Variants in TOX observed in about 807,000 individuals in gnomAD.
The protein encoded by TOX is thymocyte selection associated high mobility group box, also known as thymocyte selection-associated high mobility group box protein TOX.
A neutral mutation model predicts 53.7 loss-of-function variants in TOX; 11 were observed. The ratio of observed to expected loss-of-function variants is 0.20; its 90% CI spans 0.13 to 0.34. The LOEUF (loss-of-function observed/expected upper bound fraction) is 0.34, where lower values mean the gene tolerates loss of function less well. Among genes scored for constraint, TOX ranks in the 10% least tolerant of loss-of-function variants. The pLI is 1.00. For missense variants in TOX, 570 were observed against 664.6 expected (o/e 0.86, Z 1.56); for synonymous variants, 225 against 245.3 (o/e 0.92, Z 0.77).
At chr8:58,850,677 C>T (rs1810797899) in intron 4 of TOX, among the ~76,000 whole-genome samples, 1 of 152,118 alleles carries the variant, frequency 6.6e-6, no homozygotes. Flanking sequence ...GATTAAGGCT[C>T]CAAATGCCAG....
At chr8:59,082,435 G>A (rs1804426460) in intron 1 of TOX, among the ~76,000 whole-genome samples, 1 of 152,356 alleles carries the variant, frequency 6.6e-6, no homozygotes, top group South Asian at 2.1e-4. Flanking sequence ...TAGTTTGCTT[G>A]CAAACAGTAT....
At chr8:59,056,123 G>A (rs1350553458) in intron 1 of TOX, among the ~76,000 whole-genome samples, 1 of 151,862 alleles carries the variant, frequency 6.6e-6, no homozygotes, top group Non-Finnish European at 1.5e-5. Context: ...TCTAAACCAA[G>A]GACCCCAAGA....
intron 3 of TOX, among the ~76,000 whole-genome samples, chr8:58,867,532 C>T (rs1326545702): frequency 6.6e-6 from 1 of 152,214 alleles, no homozygotes; most frequent in Non-Finnish European, 1.5e-5. Context: ...ATCCATCCTT[C>T]CTAACCCAAG....
intron 5 of TOX, among the ~76,000 whole-genome samples, chr8:58,837,075 T>C (rs1810558531): frequency 6.6e-6 from 1 of 152,178 alleles, no homozygotes; most frequent in South Asian, 2.1e-4. Context: ...TTATAGATGT[T>C]AATATATAAT....
intron 6 of TOX, among the ~76,000 whole-genome samples, chr8:58,818,350 G>A (rs1048459482): frequency 2.6e-5 from 4 of 152,080 alleles, no homozygotes; most frequent in Non-Finnish European, 5.9e-5. Flanking sequence ...ATAGAGGGAG[G>A]GAGAATTTGG....
chr8:58,810,001 TTAGAGACCGGGTCTTGCTCTGTCA>T (rs1374871375), intron 7 of TOX, among the ~76,000 whole-genome samples: 2 of 152,182 alleles, frequency 1.3e-5, no homozygotes, highest in Non-Finnish European at 2.9e-5. Context: ...TTTGTTGTTG[TTAGAGACCGGGTCTTGCTCTGTCA>T]CCCAGAATGG....
intron 1 of TOX, among the ~76,000 whole-genome samples, chr8:58,985,964 A>C (rs1000846194): frequency 6.6e-6 from 1 of 152,208 alleles, no homozygotes; most frequent in African/African-American, 2.4e-5. Context: ...CAATAGTAAT[A>C]AATCTCATAA....
At chr8:58,829,032 T>C (rs954453520) in intron 5 of TOX, among the ~76,000 whole-genome samples, 17 of 152,192 alleles carry the variant, frequency 1.1e-4, no homozygotes, top group African/African-American at 3.9e-4. Flanking sequence ...GCAAATAGAA[T>C]GCACTTTGGT....
At chr8:58,808,970 G>A (rs1397665240) in intron 7 of TOX, among the ~76,000 whole-genome samples, 1 of 152,228 alleles carries the variant, frequency 6.6e-6, no homozygotes, top group East Asian at 1.9e-4. Flanking sequence ...TCAGACTTCA[G>A]GAAGATTCTT....
intron 5 of TOX, among the ~76,000 whole-genome samples, chr8:58,829,857 A>C (rs918578275): frequency 1.3e-5 from 2 of 151,214 alleles, no homozygotes; most frequent in Non-Finnish European, 2.9e-5. Context: ...ATTATCAAAA[A>C]AAAATCTCTC....
chr8:58,860,508 C>T (rs1403955403), intron 3 of TOX, among the ~76,000 whole-genome samples: 4 of 152,190 alleles, frequency 2.6e-5, no homozygotes, highest in Non-Finnish European at 5.9e-5. Flanking sequence ...ATAAGGACTA[C>T]GAATGCATTT....
chr8:58,899,730 C>T (rs1332965400), intron 3 of TOX, among the ~76,000 whole-genome samples: 3 of 152,144 alleles, frequency 2.0e-5, no homozygotes, highest in African/African-American at 7.2e-5. Context: ...AAAGGAAATG[C>T]TCCTGGAACA....
intron 2 of TOX, among the ~76,000 whole-genome samples, chr8:58,955,825 C>T (rs890622783): frequency 1.3e-5 from 2 of 151,342 alleles, no homozygotes; most frequent in Non-Finnish European, 2.9e-5. Context: ...ACCTCCACCT[C>T]CTGGGTTCAA....
chr8:58,816,482 AT>A (rs1810180413), intron 6 of TOX, among the ~76,000 whole-genome samples: 1 of 152,332 alleles, frequency 6.6e-6, no homozygotes. Flanking sequence ...AAAACTGAAC[AT>A]TTCAGTAAAG....
At chr8:58,875,941 T>C (rs2129170432) in intron 3 of TOX, among the ~76,000 whole-genome samples, 1 of 152,352 alleles carries the variant, frequency 6.6e-6, no homozygotes, top group East Asian at 1.9e-4. Context: ...TAAGTCAGTA[T>C]AATCAAGGTT....
intron 3 of TOX, among the ~76,000 whole-genome samples, chr8:58,918,934 A>T (rs1194703658): frequency 1.3e-5 from 2 of 151,966 alleles, no homozygotes; most frequent in African/African-American, 2.4e-5. Flanking sequence ...GAGCCAAATC[A>T]TAAGTGAACT....
intron 1 of TOX, among the ~76,000 whole-genome samples, chr8:59,002,608 A>AAC (rs1491531267): frequency 8.8e-4 from 35 of 39,958 alleles, no homozygotes; most frequent in African/African-American, 8.8e-4. Context: ...CAACAACAAC[A>AAC]AAAAAAAAAC....
At chr8:58,926,284 T>C (rs1398159726) in intron 3 of TOX, among the ~76,000 whole-genome samples, 2 of 152,162 alleles carry the variant, frequency 1.3e-5, no homozygotes, top group Admixed American at 6.5e-5. Flanking sequence ...CTCATGATCC[T>C]CTGTGGACCA....
At chr8:59,078,005 G>A (rs1181750862) in intron 1 of TOX, among the ~76,000 whole-genome samples, 1 of 151,884 alleles carries the variant, frequency 6.6e-6, no homozygotes, top group Non-Finnish European at 1.5e-5. Context: ...CTTTGGAGGG[G>A]AAAAATGAAG....
Sources: gnomAD v4.1 joint callset for allele counts (sites outside exome capture counted in the v4.1 genomes callset) on GRCh38, gnomAD v4.1.1 for gene constraint, MANE v1.5 for transcripts, NCBI Gene and HGNC (gene_info 2026-07-23, HGNC 2026-07-21) for gene names.